Variants in CCDC30 observed in about 807,000 individuals in gnomAD.
CCDC30 encodes the protein coiled-coil domain-containing protein 30.
CCDC30 carries 70 observed loss-of-function variants against 100.2 expected under a neutral mutation model. That is an observed-to-expected ratio of 0.70 (90% CI 0.58 to 0.85). CCDC30 has a LOEUF of 0.85. Ranked by LOEUF, CCDC30 falls within the 40% of genes least tolerant of loss-of-function variation. The probability of loss-of-function intolerance (pLI) is 0.00; values close to 1 mark genes in which losing one functional copy is unlikely to be tolerated. For synonymous variants in CCDC30, 233 were observed against 269.5 expected, an observed-to-expected ratio of 0.86 and a Z score of 1.33; for missense variants, 652 against 771.2, an observed-to-expected ratio of 0.85 and a Z score of 1.83.
chr1:42,568,480 A>G lies in CCDC30; in HGVS notation c.636+2005A>G, dbSNP rs571524634. Among the ~76,000 whole-genome samples, 4 of 152,288 alleles carry G rather than the reference A, an allele frequency of 2.6e-5. No individual in the cohort carries two copies. In the South Asian group the frequency reaches 8.3e-4, roughly 32 times the overall value. On this transcript the variant is annotated intron_variant, in intron 7 of 16. Transcript: ENST00000668663. ...GGGTCAGCACTTTATGGATGAGGAA[A>G]CTGTTCAAGATTGCAAAGCTAACAA...
At chr1:42,558,867 G>GTT (rs1645426622) in intron 6 of CCDC30, among the ~76,000 whole-genome samples, 1 of 152,148 alleles carries the variant, frequency 6.6e-6, no homozygotes, top group Non-Finnish European at 1.5e-5. Context: ...AGGTTGAAAT[G>GTT]AAGGAAAAAC....
chr1:42,541,925 A>G (rs77268334), intron 6 of CCDC30, among the ~76,000 whole-genome samples: 20,723 of 152,224 alleles, frequency 0.14, 1,558 homozygotes, highest in East Asian at 0.19. Flanking sequence ...GATCATGTAG[A>G]CCAACTCCTT....
At chr1:42,615,048 G>T (rs1352623009) in intron 11 of CCDC30, among the ~76,000 whole-genome samples, 1 of 152,184 alleles carries the variant, frequency 6.6e-6, no homozygotes, top group Non-Finnish European at 1.5e-5. Flanking sequence ...TAATCGTAGA[G>T]TCATCAAATG....
chr1:42,644,203 G>T (rs1647684600), intron 13 of CCDC30, among the ~76,000 whole-genome samples: 1 of 152,082 alleles, frequency 6.6e-6, no homozygotes, highest in Non-Finnish European at 1.5e-5. Flanking sequence ...TCCACAATAG[G>T]CTGTCCACAA....
rs1002881162 is a variant in CCDC30 at position 42,514,761 on chromosome 1, C to T, written c.456+15845C>T. Among the ~76,000 whole-genome samples the T allele has an allele frequency of 5.3e-5, 8 of 152,292 alleles. No homozygotes were observed. In the South Asian group the frequency reaches 1.7e-3, roughly 32 times the overall value. ...CTCAGCCTACCAGGTTCAAGTGATTCTCCTGCCTCACCCTCCCAAGTAGCT... is the reference window on the plus strand; with the variant it reads ...CTCAGCCTACCAGGTTCAAGTGATTTTCCTGCCTCACCCTCCCAAGTAGCT... On this transcript the variant is annotated intron_variant, in intron 6 of 16. Coordinates refer to ENST00000668663, the Ensembl canonical transcript of CCDC30.
intron 9 of CCDC30, among the ~76,000 whole-genome samples, chr1:42,589,080 A>T (rs1646132726): frequency 6.6e-6 from 1 of 152,112 alleles, no homozygotes; most frequent in South Asian, 2.1e-4. Flanking sequence ...CAACTTCCTC[A>T]TCTCTGAAAT....
intron 6 of CCDC30, among the ~76,000 whole-genome samples, chr1:42,515,445 G>T (rs2148496378): frequency 6.6e-6 from 1 of 152,264 alleles, no homozygotes; most frequent in East Asian, 1.9e-4. Flanking sequence ...AGATGATTTG[G>T]CAGAGCCCTC....
At chr1:42,564,910 G>A (rs114810838) in intron 6 of CCDC30, among the ~76,000 whole-genome samples, 3,162 of 152,066 alleles carry the variant, frequency 0.021, 46 homozygotes, top group South Asian at 0.055. Context: ...CTTTTTCAGA[G>A]TCCACGTATA....
chr1:42,645,877 G>T (rs948354048), intron 14 of CCDC30, among the ~76,000 whole-genome samples: 3 of 152,142 alleles, frequency 2.0e-5, no homozygotes, highest in African/African-American at 7.2e-5. Context: ...GAGGCCTTTG[G>T]TCTACTAGAG....
At chr1:42,499,991 T>C (rs1188773367) in intron 6 of CCDC30, among the ~76,000 whole-genome samples, 2 of 152,196 alleles carry the variant, frequency 1.3e-5, no homozygotes, top group Non-Finnish European at 2.9e-5. Context: ...TTAACCAACA[T>C]GCAAGTTCTT....
At chr1:42,508,788 C>CA (rs1036487279) in intron 6 of CCDC30, among the ~76,000 whole-genome samples, 5 of 150,888 alleles carry the variant, frequency 3.3e-5, no homozygotes, top group African/African-American at 9.7e-5. Context: ...AGTGGCAAGA[C>CA]AAAAAAAATG....
chr1:42,629,127 T>C (rs1025240511), intron 11 of CCDC30, among the ~76,000 whole-genome samples: 3 of 152,252 alleles, frequency 2.0e-5, no homozygotes, highest in African/African-American at 7.2e-5. Flanking sequence ...GTGAGTCTTA[T>C]ACCTTCAGAA....
intron 12 of CCDC30, among the ~76,000 whole-genome samples, chr1:42,640,899 A>T (rs1041735843): frequency 1.3e-5 from 2 of 151,998 alleles, no homozygotes; most frequent in African/African-American, 4.8e-5. Context: ...TCTAAAAAAA[A>T]AATTAATAAT....
chr1:42,459,305 G>A (rs1251175449), upstream of CCDC30: 2 of 318,320 alleles, frequency 6.3e-6, no homozygotes, highest in Non-Finnish European at 1.2e-5. Flanking sequence ...TGGGACTACA[G>A]GTGGGTGCCA....
In CCDC30 at chr1:42,500,499, C is replaced by T. The variant is rs1019950916; in HGVS notation, c.456+1583C>T. Among the ~76,000 whole-genome samples the T allele has an allele frequency of 3.3e-5, 5 of 152,032 alleles. No individual in the cohort carries two copies. The East Asian group carries it at 5.8e-4, about 18-fold the overall frequency. On this transcript the variant is annotated intron_variant, in intron 6 of 16. Transcript: ENST00000668663. ...CGTGATGTCGGCTCACTGTAAGCTC[C>T]GCCTCCCGGGTTCACACCATTCTCT...
chr1:42,628,189 G>A (rs1311159537), intron 11 of CCDC30, among the ~76,000 whole-genome samples: 1 of 152,178 alleles, frequency 6.6e-6, no homozygotes, highest in Non-Finnish European at 1.5e-5. Flanking sequence ...AAAATTGACT[G>A]CCTCACTGGA....
chr1:42,527,698 CAAA>C (rs954196673), intron 6 of CCDC30, among the ~76,000 whole-genome samples: 8 of 152,096 alleles, frequency 5.3e-5, no homozygotes, highest in African/African-American at 1.9e-4. Context: ...ATCTCTTATG[CAAA>C]TCTCACTAAC....
intron 6 of CCDC30, among the ~76,000 whole-genome samples, chr1:42,541,711 T>A (rs945691158): frequency 6.6e-6 from 1 of 152,276 alleles, no homozygotes; most frequent in Non-Finnish European, 1.5e-5. Context: ...ATCAAACTTT[T>A]ACTCATTAAA....
chr1:42,653,209 T>C (rs57834696), intron 15 of CCDC30, among the ~76,000 whole-genome samples, 167 bp from the exon 20 acceptor site: 1 of 151,776 alleles, frequency 6.6e-6, no homozygotes, highest in Non-Finnish European at 1.5e-5. Context: ...GTTATATATA[T>C]AGAGAGAGAG....
Sources: allele counts gnomAD v4.1 joint callset (sites outside exome capture counted in the v4.1 genomes callset), GRCh38; gene constraint gnomAD v4.1.1; transcripts MANE v1.5; gene names NCBI Gene and HGNC (gene_info 2026-07-23, HGNC 2026-07-21).